Variants in PRKN observed in about 807,000 individuals in gnomAD.
The protein encoded by PRKN is E3 ubiquitin-protein ligase parkin.
PRKN carries 56 observed loss-of-function variants against 59.5 expected under a neutral mutation model. That is an observed-to-expected ratio of 0.94 (90% CI 0.76 to 1.18). The LOEUF is 1.18. Ranked by LOEUF, PRKN falls within the 50% of genes most tolerant of loss-of-function variation. The pLI, the probability that PRKN is intolerant of heterozygous loss-of-function variation, is 0.00. For synonymous variants in PRKN, 250 were observed against 222.1 expected, an observed-to-expected ratio of 1.13 and a Z score of -1.12; for missense variants, 657 against 596.4, an observed-to-expected ratio of 1.10 and a Z score of -1.06.
At chr6:161,665,007 C>T (rs182302433) in intron 7 of PRKN, among the ~76,000 whole-genome samples, 2 of 151,944 alleles carry the variant, frequency 1.3e-5, no homozygotes, top group African/African-American at 2.4e-5. Context: ...AGGCTGGTCT[C>T]GAACTCCTGA....
At chr6:162,123,064 T>C (rs1187995676) in intron 4 of PRKN, among the ~76,000 whole-genome samples, 1 of 150,336 alleles carries the variant, frequency 6.7e-6, no homozygotes, top group Non-Finnish European at 1.5e-5. Context: ...CCTTAAACAC[T>C]GAAGTAACAA....
rs926111088 is a variant in PRKN, at chr6:161,448,470, C to T, written c.1084-61593G>A. On this transcript the variant is annotated intron_variant, in intron 9 of 11. Transcript: ENST00000366898. The surrounding 1 kb of genome is among the most constrained non-coding windows in gnomAD (Gnocchi z 5.1). ...CACATCTTAGATTTAATGCTGATTT[C>T]GGGGGGCATTTTTGCTTCAAATTTG... 8.5e-5 allele frequency among the ~76,000 whole-genome samples: 13 copies of T among 152,108 alleles called. No homozygotes were observed. Among genetic ancestry groups the T allele is most frequent in the Admixed American group, 2.0e-4 (3 of 15,270 alleles).
rs192050264 is a variant in PRKN, at chr6:162,327,211, A to G, written c.172-64446T>C. Reference sequence around the variant, plus strand: ...TTCTATGCTGAATATTGATCAGGAGAGAAAAATATATGAGGTGTGAGTTAT... The same window carrying G: ...TTCTATGCTGAATATTGATCAGGAGGGAAAAATATATGAGGTGTGAGTTAT... On this transcript the variant is annotated intron_variant, in intron 2 of 11. Transcript: ENST00000366898. Among the ~76,000 whole-genome samples the G allele has an allele frequency of 5.1e-3, 784 of 152,286 alleles. 5 individuals are homozygous for G. Among genetic ancestry groups the G allele is most frequent in the African/African-American group, 0.017 (719 of 41,560 alleles).
At chr6:161,511,560 T>C (rs887801359) in intron 9 of PRKN, among the ~76,000 whole-genome samples, 2 of 152,206 alleles carry the variant, frequency 1.3e-5, no homozygotes, top group African/African-American at 2.4e-5. Context: ...ACACCGTTAT[T>C]TCTGTGAAAG....
intron 3 of PRKN, among the ~76,000 whole-genome samples, chr6:162,223,127 C>A (rs1423132961): frequency 6.6e-6 from 1 of 150,844 alleles, no homozygotes; most frequent in Non-Finnish European, 1.5e-5. Flanking sequence ...TTTGTCCTTG[C>A]GATAGTTTAC....
At chr6:161,934,859 TG>T (rs1424785135) in intron 6 of PRKN, among the ~76,000 whole-genome samples, 1 of 152,148 alleles carries the variant, frequency 6.6e-6, no homozygotes, top group Non-Finnish European at 1.5e-5. Context: ...AGTTTCAGGA[TG>T]TTTTTTTCTC....
chr6:162,024,474 G>A (rs556951365), intron 5 of PRKN, among the ~76,000 whole-genome samples: 2 of 152,160 alleles, frequency 1.3e-5, no homozygotes, highest in Non-Finnish European at 2.9e-5. Flanking sequence ...TGGGATTATA[G>A]GCGTGAGCCA....
chr6:161,851,293 C>T (rs993838230), intron 6 of PRKN, among the ~76,000 whole-genome samples: 2 of 151,946 alleles, frequency 1.3e-5, no homozygotes, highest in African/African-American at 4.8e-5. Flanking sequence ...AAGACCCTCA[C>T]CAGATGCAGG....
chr6:161,679,684 C>CGCCCT (rs531559048), intron 7 of PRKN, among the ~76,000 whole-genome samples: 1 of 84,896 alleles, frequency 1.2e-5, no homozygotes. Flanking sequence ...ACCCCCCCCC[C>CGCCCT]TTTTTTTTTT....
At chr6:162,685,846 C>T (rs1026038656) in intron 1 of PRKN, among the ~76,000 whole-genome samples, 1 of 152,112 alleles carries the variant, frequency 6.6e-6, no homozygotes, top group African/African-American at 2.4e-5. Flanking sequence ...CCCTGTTTTT[C>T]CCTCTCAGTG....
chr6:161,368,382 G>GATATATATATAT (rs34367069), intron 10 of PRKN, among the ~76,000 whole-genome samples: 4,674 of 98,970 alleles, frequency 0.047, 242 homozygotes, highest in African/African-American at 0.053. Context: ...CCTCAGTCTT[G>GATATATATATAT]ATATATATAT....
intron 5 of PRKN, among the ~76,000 whole-genome samples, chr6:161,980,822 A>G (rs1789992): frequency 0.47 from 70,946 of 151,972 alleles, 16,748 homozygotes; most frequent in Middle Eastern, 0.58. Flanking sequence ...CTGCTGCACC[A>G]CCACGAGGTG....
intron 2 of PRKN, among the ~76,000 whole-genome samples, chr6:162,409,529 C>T (rs144512786): frequency 6.6e-5 from 10 of 152,180 alleles, no homozygotes; most frequent in African/African-American, 2.4e-4. Context: ...ATGGGTTGAA[C>T]CACATGAAAT....
At chr6:162,197,178 G>A (rs1251162731) in intron 4 of PRKN, among the ~76,000 whole-genome samples, 2 of 152,124 alleles carry the variant, frequency 1.3e-5, no homozygotes, top group African/African-American at 4.8e-5. Flanking sequence ...TGAAACCTCA[G>A]AATTGCCTAT....
intron 2 of PRKN, among the ~76,000 whole-genome samples, chr6:162,366,756 T>C (rs1234465951): frequency 6.6e-6 from 1 of 151,900 alleles, no homozygotes; most frequent in East Asian, 1.9e-4. Context: ...AAATACAAAA[T>C]TAGCTGGGTG....
intron 3 of PRKN, among the ~76,000 whole-genome samples, chr6:162,252,256 C>T (rs1240192965): frequency 6.6e-6 from 1 of 152,156 alleles, no homozygotes; most frequent in African/African-American, 2.4e-5. Context: ...AACGATACAT[C>T]ACTGTATTGG....
At chr6:162,304,438 T>G (rs1168394491) in intron 2 of PRKN, among the ~76,000 whole-genome samples, 2 of 150,922 alleles carry the variant, frequency 1.3e-5, no homozygotes, top group African/African-American at 2.4e-5. Flanking sequence ...ACATACTTCT[T>G]GGAACCAAAA....
intron 2 of PRKN, among the ~76,000 whole-genome samples, chr6:162,372,073 G>A (rs566176419): frequency 4.5e-4 from 69 of 152,282 alleles, no homozygotes; most frequent in Admixed American, 1.1e-3. Flanking sequence ...TGGAGTGGAC[G>A]CCATCCTTCT....
chr6:162,204,599 C>T (rs1784856299), intron 3 of PRKN, among the ~76,000 whole-genome samples: 1 of 152,188 alleles, frequency 6.6e-6, no homozygotes, highest in Admixed American at 6.5e-5. Flanking sequence ...AAGTTCTTTC[C>T]TCCAACCCAA....
Sources: allele counts gnomAD v4.1 joint callset (sites outside exome capture counted in the v4.1 genomes callset), GRCh38; gene constraint gnomAD v4.1.1; non-coding constraint Gnocchi (gnomAD v3.1); transcripts MANE v1.5; gene names NCBI Gene and HGNC (gene_info 2026-07-23, HGNC 2026-07-21).